The following ATM variants were observed in gnomAD, a reference collection of about 807,000 sequenced individuals.
ATM encodes serine-protein kinase ATM.
ATM carries 308 observed loss-of-function variants against 387.0 expected under a neutral mutation model. The observed-to-expected ratio is 0.80, with a 90% CI of 0.73 to 0.87. The LOEUF (loss-of-function observed/expected upper bound fraction) is 0.87. Among genes scored for constraint, ATM ranks in the 40% least tolerant of loss-of-function variants. The pLI is 0.00. For synonymous variants in ATM, 1,156 were observed against 1,187.3 expected, an observed-to-expected ratio of 0.97 and a Z score of 0.54; for missense variants, 3,312 against 3,560.9, an observed-to-expected ratio of 0.93 and a Z score of 1.78.
chr11:108,354,110 T>C (rs1219170762), intron 60 of ATM, among the ~76,000 whole-genome samples: 1 of 128,416 alleles, frequency 7.8e-6, no homozygotes. Context: ...CACACACGGG[T>C]TAGAGATTTG....
intron 35 of ATM, among the ~76,000 whole-genome samples, chr11:108,302,132 C>T (rs1261822376): frequency 1.3e-5 from 2 of 152,106 alleles, no homozygotes; most frequent in Non-Finnish European, 1.5e-5. Flanking sequence ...TTGTGATCCA[C>T]AAGTGTTTAT....
intron 5 of ATM, among the ~76,000 whole-genome samples, chr11:108,239,202 T>C (rs2079440839): frequency 6.6e-6 from 1 of 152,234 alleles, no homozygotes; most frequent in South Asian, 2.1e-4. Flanking sequence ...ACTTGCTGTC[T>C]TTCTGCCATG....
intron 4 of ATM, chr11:108,230,745 TGG>T: frequency 6.6e-6 from 1 of 152,230 alleles, no homozygotes; most frequent in Non-Finnish European, 1.5e-5. Context: ...TAGCCCAGGC[TGG>T]AGTGCATGCA....
intron 29 of ATM, among the ~76,000 whole-genome samples, chr11:108,291,525 C>T (rs1372902632): frequency 6.6e-5 from 10 of 152,216 alleles, no homozygotes; most frequent in Non-Finnish European, 1.5e-4. Context: ...CTCCTCCCCA[C>T]TGGCCATTGA....
chr11:108,256,205 T>G lies in ATM; in HGVS notation c.2125-10T>G. ...AAATATATATATTTTTATTTGTGGT[T>G]TACTTTAAGATTACAAATTCAGAAA... On this transcript the variant is annotated splice_polypyrimidine_tract_variant and intron_variant, in intron 13 of 62. Coordinates refer to ENST00000675843, the MANE Select transcript of ATM (RefSeq NM_000051.4). The G allele has an allele frequency of 6.3e-7, 1 of 1,592,282 alleles. No homozygotes were observed. The highest frequency in any genetic ancestry group is 8.6e-7 in the Non-Finnish European group (1 of 1,166,114).
intron 37 of ATM, 88 bp from the exon 38 acceptor site, chr11:108,307,809 A>T (rs1363005755): frequency 1.7e-6 from 2 of 1,190,480 alleles, no homozygotes; most frequent in Non-Finnish European, 1.2e-6. Flanking sequence ...ACCTTATAGC[A>T]TAGTGGGAGA....
At chr11:108,353,054 AC>A (rs1395015250) in intron 59 of ATM, among the ~76,000 whole-genome samples, 15 of 152,304 alleles carry the variant, frequency 9.8e-5, no homozygotes, top group African/African-American at 3.4e-4. Context: ...GCAGGACATT[AC>A]AGTTGGGGTG....
At chr11:108,317,995 A>C (rs1458171075) in intron 43 of ATM, among the ~76,000 whole-genome samples, 1 of 152,156 alleles carries the variant, frequency 6.6e-6, no homozygotes, top group Non-Finnish European at 1.5e-5. Flanking sequence ...TTAGTCAGTA[A>C]GATAGCACTT....
intron 14 of ATM, 89 bp downstream of exon 14, chr11:108,256,429 A>G (rs2135396737): frequency 7.3e-7 from 1 of 1,379,272 alleles, no homozygotes; most frequent in Non-Finnish European, 1.0e-6. Context: ...GAAGACATTA[A>G]ATTTTATGCA....
rs786202229 is a variant in ATM, at chr11:108,254,000, G to A, written c.2085G>A (p.Leu695=). 9.9e-6 allele frequency: 16 copies of A among 1,613,776 alleles called. No individual in the cohort carries two copies. The East Asian group carries it at 1.1e-4, about 11-fold the overall frequency. The change falls in exon 13 of 63, where the codon CTG becomes CTA. Residue 695 remains leucine (L), a synonymous_variant. Transcript: ENST00000675843. ...AGGAATCACTGGATCGCTGTCTTCT[G>A]GGATTATCAGAACAGCTTCTGAATA... ...NLKESLDRCL[L]GLSEQLLNNY...
At position 108,357,459 on chromosome 11, in the gene ATM, T is replaced by G. The variant is rs569456401; in HGVS notation, c.8850+2585T>G. On this transcript the variant is annotated intron_variant, in intron 61 of 62. Coordinates refer to ENST00000675843, the MANE Select transcript of ATM (RefSeq NM_000051.4). ...GAACCCACCACAGCTCAAGGAGACC[T>G]GCCTGCCTCTGTAGGCTCCACCTCT... is the stretch of plus-strand genomic sequence containing the variant. Among the ~76,000 whole-genome samples, 3 of 152,356 alleles carry G rather than the reference T, an allele frequency of 2.0e-5. No individual in the cohort carries two copies. The South Asian group carries it at 6.2e-4, about 32-fold the overall frequency.
At chr11:108,260,662 C>G (rs554193131) in intron 16 of ATM, among the ~76,000 whole-genome samples, 3 of 152,258 alleles carry the variant, frequency 2.0e-5, no homozygotes, top group African/African-American at 7.2e-5. Flanking sequence ...AGGAACAGCT[C>G]CGGTCTACAG....
intron 30 of ATM, 128 bp downstream of exon 30, chr11:108,292,921 G>A: frequency 1.7e-6 from 2 of 1,170,482 alleles, no homozygotes; most frequent in Non-Finnish European, 2.4e-6. Flanking sequence ...TAAAATGATT[G>A]GAAAAATATT....
intron 26 of ATM, among the ~76,000 whole-genome samples, chr11:108,286,418 T>C (rs897628668): frequency 1.3e-5 from 2 of 149,284 alleles, no homozygotes; most frequent in Admixed American, 1.3e-4. Flanking sequence ...GAAATTATAC[T>C]CCACAGAGTG....
chr11:108,312,573 C>T, intron 40 of ATM, 75 bp downstream of exon 40: 1 of 1,050,174 alleles, frequency 9.5e-7, no homozygotes, highest in Non-Finnish European at 1.5e-6. Context: ...AGACACTGTA[C>T]AGATGCCATG....
intron 61 of ATM, 45 bp from the exon 62 acceptor site, chr11:108,365,037 T>G (rs1565607103): frequency 6.2e-7 from 1 of 1,604,336 alleles, no homozygotes; most frequent in Admixed American, 1.7e-5. Context: ...AGTATGTGAT[T>G]AAAATGTACA....
rs786203550 is a variant in ATM at position 108,250,889 on chromosome 11, C to G, written c.1424C>G (p.Ser475Ter). ...CQDKRSNLESSQKSDLLKLWN... is the reference protein window; with the variant it reads ...CQDKRSNLES The stretch of plus-strand genomic sequence containing the variant: ...GACAAGAGGTCAAACCTAGAAAGCT[C>G]ACAAAAGTCAGATTTATTAAAACTC... Residue 475 changes from serine to a stop codon, truncating the protein, a stop_gained, in exon 10 of 63, where the codon TCA becomes TGA. Coordinates refer to ENST00000675843, the MANE Select transcript of ATM (RefSeq NM_000051.4). LOFTEE classifies it high-confidence loss of function. The G allele has an allele frequency of 6.2e-7, 1 of 1,614,084 alleles. No homozygotes were observed. The highest frequency in any genetic ancestry group is 8.5e-7 in the Non-Finnish European group (1 of 1,180,010).
At chr11:108,235,983 C>A in intron 5 of ATM, 149 bp downstream of exon 5, 1 of 810,306 alleles carries the variant, frequency 1.2e-6, no homozygotes, top group Non-Finnish European at 2.0e-6. Flanking sequence ...TCGAACTGAC[C>A]CTTAATTTTT....
chr11:108,273,294 T>C (rs1347770494), intron 22 of ATM, among the ~76,000 whole-genome samples: 4 of 151,720 alleles, frequency 2.6e-5, no homozygotes, highest in African/African-American at 9.7e-5. Context: ...GGATCTTTTA[T>C]ATTTGAGTAC....
Sources: allele counts gnomAD v4.1 joint callset (sites outside exome capture counted in the v4.1 genomes callset), GRCh38; gene constraint gnomAD v4.1.1; transcripts MANE v1.5; gene names NCBI Gene and HGNC (gene_info 2026-07-23, HGNC 2026-07-21).